The following PIGB variants were observed in gnomAD, a reference collection of about 807,000 sequenced individuals.
The protein encoded by PIGB is GPI alpha-1,2-mannosyltransferase 3.
PIGB carries 58 observed loss-of-function variants against 68.4 expected under a neutral mutation model. The ratio of observed to expected loss-of-function variants is 0.85; its 90% CI spans 0.69 to 1.06. PIGB has a LOEUF of 1.06. Ranked by LOEUF, PIGB falls within the 50% of genes least tolerant of loss-of-function variation. The pLI, the probability that PIGB is intolerant of heterozygous loss-of-function variation, is 0.00. For missense variants in PIGB, 634 were observed against 655.8 expected, an observed-to-expected ratio of 0.97 and a Z score of 0.36; for synonymous variants, 219 against 220.5, an observed-to-expected ratio of 0.99 and a Z score of 0.06.
intron 9 of PIGB, among the ~76,000 whole-genome samples, chr15:55,348,977 A>C (rs1306539573): frequency 4.6e-5 from 7 of 151,856 alleles, no homozygotes; most frequent in Non-Finnish European, 7.4e-5. Context: ...AGACAGTTTC[A>C]CTCTGTTGCC....
At chr15:55,333,620 T>C (rs113339746) in intron 5 of PIGB, among the ~76,000 whole-genome samples, 5,659 of 152,202 alleles carry the variant, frequency 0.037, 96 homozygotes, top group Non-Finnish European at 0.041. Flanking sequence ...TAATCCCAGC[T>C]ACTCGGGATG....
In PIGB at chr15:55,319,303, G is replaced by C. The variant is rs1407722534; in HGVS notation, c.53G>C (p.Ser18Thr). Residue 18 changes from serine to threonine, a missense_variant, in exon 1 of 12, where the codon AGC (serine) becomes ACC (threonine). Physicochemically the swap from Ser to Thr is moderately conservative, Grantham distance 58 (BLOSUM62 1). Transcript: ENST00000164305. ...ATGGAGCCGGGGGGCGGAGATGCCAGCCTCACTTTGCATGGTCTCCAGAAC... is the reference window on the plus strand; with the variant it reads ...ATGGAGCCGGGGGGCGGAGATGCCACCCTCACTTTGCATGGTCTCCAGAAC... ...CGMEPGGGDA[S>T]LTLHGLQNRS... is the part of the protein sequence containing the mutation. 3 of 1,603,552 alleles carry C rather than the reference G, an allele frequency of 1.9e-6. No individual in the cohort carries two copies. The highest frequency in any genetic ancestry group is 2.7e-5 in the African/African-American group (2 of 74,926).
At chr15:55,354,485 G>A (rs2056023861) in intron 10 of PIGB, 1 of 239,578 alleles carries the variant, frequency 4.2e-6, no homozygotes, top group Non-Finnish European at 7.9e-6. Flanking sequence ...GACCATTTAT[G>A]TTTCCGGAAC....
At chr15:55,322,922 A>G (rs1299683571) in intron 3 of PIGB, among the ~76,000 whole-genome samples, 1 of 152,214 alleles carries the variant, frequency 6.6e-6, no homozygotes, top group African/African-American at 2.4e-5. Context: ...GACAGTTTAT[A>G]TCCCAGGAAG....
intron 4 of PIGB, among the ~76,000 whole-genome samples, chr15:55,329,415 A>G (rs970899232): frequency 6.6e-6 from 1 of 152,242 alleles, no homozygotes; most frequent in African/African-American, 2.4e-5. Flanking sequence ...AAACTCTACC[A>G]TCAAAGAATC....
Position 55,340,905 on chromosome 15 carries a change from T to C in PIGB, c.1058+82T>C, listed in dbSNP as rs748141784. On this transcript the variant is annotated intron_variant, in intron 8 of 11. Coordinates refer to ENST00000164305, the MANE Select transcript of PIGB (RefSeq NM_004855.5). Reference sequence around the variant, plus strand: ...TAAATTCTTCAAAAAGTAAACTTTATGTTTTGGAGGTGCCATTAACTTTTG... The same window carrying C: ...TAAATTCTTCAAAAAGTAAACTTTACGTTTTGGAGGTGCCATTAACTTTTG... 107 of 940,998 alleles carry C rather than the reference T, an allele frequency of 1.1e-4. 1 individual carries two copies. The highest frequency in any genetic ancestry group is 3.9e-5 in the Non-Finnish European group (25 of 636,830). 58.3% of individuals were successfully genotyped at this position (940,998 alleles called of 1,614,324 possible).
rs1328132239 is a variant in PIGB, at chr15:55,350,840, G to A, written c.1265G>A (p.Cys422Tyr). The change falls in exon 10 of 12, where the codon TGT (cysteine) becomes TAT (tyrosine). Residue 422 changes from cysteine (C) to tyrosine (Y), a missense_variant. Coordinates refer to ENST00000164305, the MANE Select transcript of PIGB (RefSeq NM_004855.5). The stretch of plus-strand genomic sequence containing the variant: ...GTCATGAGTCATATTCAAAAAGTTT[G>A]TTACAACAATCCCAATAAATCTTCA... ...LDVMSHIQKV[C>Y]YNNPNKSSAS... 1 of 1,611,002 alleles carries A rather than the reference G, an allele frequency of 6.2e-7. No homozygotes were observed.
chr15:55,327,502 C>T (rs1432680066), intron 3 of PIGB, 29 bp from the exon 4 acceptor site: 1 of 1,401,334 alleles, frequency 7.1e-7, no homozygotes, highest in African/African-American at 1.4e-5. Flanking sequence ...ATATTTTTAA[C>T]ATCCTGTTCT....
At chr15:55,326,965 T>C (rs1471742214) in intron 3 of PIGB, among the ~76,000 whole-genome samples, 1 of 152,062 alleles carries the variant, frequency 6.6e-6, no homozygotes, top group Non-Finnish European at 1.5e-5. Context: ...AAGGTGGAAG[T>C]ATCATTTGAG....
intron 10 of PIGB, 137 bp downstream of exon 10, chr15:55,351,049 T>C: frequency 1.7e-6 from 1 of 593,490 alleles, no homozygotes; most frequent in East Asian, 2.8e-5. Context: ...ATTTATTCAC[T>C]GATGGATTTT....
chr15:55,340,443 A>G (rs917738996), intron 7 of PIGB, 169 bp from the exon 8 acceptor site: 8 of 407,234 alleles, frequency 2.0e-5, no homozygotes, highest in South Asian at 1.5e-4. Flanking sequence ...GCGACAGAGC[A>G]AGACTCCATC....
chr15:55,319,770 G>C (rs938928192), intron 1 of PIGB: 1 of 204,182 alleles, frequency 4.9e-6, no homozygotes, highest in Non-Finnish European at 1.0e-5. Flanking sequence ...CTGTAAAATG[G>C]GGCTAATAAT....
At chr15:55,339,424 G>C in intron 7 of PIGB, 106 bp downstream of exon 7, 1 of 709,192 alleles carries the variant, frequency 1.4e-6, no homozygotes, top group Middle Eastern at 3.9e-4. Context: ...CATTACAAAA[G>C]ACTTCTAGGC....
chr15:55,320,020 T>G, intron 1 of PIGB: 1 of 299,284 alleles, frequency 3.3e-6, no homozygotes, highest in Non-Finnish European at 6.2e-6. Context: ...CTCTTTTTTT[T>G]TTGTATTTAT....
chr15:55,350,467 C>T (rs2055896792), intron 9 of PIGB: 1 of 529,838 alleles, frequency 1.9e-6, no homozygotes, highest in Non-Finnish European at 3.3e-6. Flanking sequence ...CTGTTGGACT[C>T]CATAACCATC....
Position 55,325,744 on chromosome 15 carries a change from G to C in PIGB, c.418-1787G>C, listed in dbSNP as rs182019255. Among the ~76,000 whole-genome samples the C allele has an allele frequency of 1.3e-3, 195 of 152,018 alleles. 1 individual carries two copies. The highest frequency in any genetic ancestry group is 3.4e-3 in the African/African-American group (141 of 41,452). On this transcript the variant is annotated intron_variant, in intron 3 of 11. Coordinates refer to ENST00000164305, the MANE Select transcript of PIGB (RefSeq NM_004855.5). ...ATCCTGGCTAAAATGGTGAAACCTCGTCTCTACTAAAAATACAAAAAATTA... is the reference window on the plus strand; with the variant it reads ...ATCCTGGCTAAAATGGTGAAACCTCCTCTCTACTAAAAATACAAAAAATTA...
At chr15:55,329,642 C>T in intron 4 of PIGB, 82 bp from the exon 5 acceptor site, 1 of 1,097,152 alleles carries the variant, frequency 9.1e-7, no homozygotes, top group Non-Finnish European at 1.3e-6. Context: ...AATATTTAGA[C>T]TTGCTTGCTA....
intron 3 of PIGB, among the ~76,000 whole-genome samples, chr15:55,323,962 G>T (rs2055221183): frequency 6.6e-6 from 1 of 152,182 alleles, no homozygotes; most frequent in Non-Finnish European, 1.5e-5. Context: ...ATCTTGGCTG[G>T]CTGTAACTGC....
intron 2 of PIGB, 124 bp from the exon 3 acceptor site, chr15:55,321,149 C>T: frequency 1.5e-6 from 1 of 671,118 alleles, no homozygotes; most frequent in Non-Finnish European, 2.3e-6. Context: ...CCTGTAGAGG[C>T]AGGACCACTT....
Sources: gnomAD v4.1 joint callset for allele counts (sites outside exome capture counted in the v4.1 genomes callset) on GRCh38, gnomAD v4.1.1 for gene constraint, MANE v1.5 for transcripts, NCBI Gene and HGNC (gene_info 2026-07-23, HGNC 2026-07-21) for gene names.